The following SNTG1 variants were observed in gnomAD, a reference collection of about 807,000 sequenced individuals.
SNTG1 encodes syntrophin gamma 1.
A neutral mutation model predicts 74.7 loss-of-function variants in SNTG1; 39 were observed. The observed-to-expected ratio is 0.52, with a 90% CI of 0.40 to 0.68. The LOEUF (loss-of-function observed/expected upper bound fraction) is 0.68. Ranked by LOEUF, SNTG1 falls within the 30% of genes least tolerant of loss-of-function variation. The pLI, the probability that SNTG1 is intolerant of heterozygous loss-of-function variation, is 0.00. For synonymous variants in SNTG1, 254 were observed against 217.1 expected (o/e 1.17, Z -1.49); for missense variants, 685 against 609.5 (o/e 1.12, Z -1.30).
At chr8:50,180,659 A>C (rs1291696873) in intron 2 of SNTG1, among the ~76,000 whole-genome samples, 1 of 149,582 alleles carries the variant, frequency 6.7e-6, no homozygotes, top group East Asian at 2.0e-4. Context: ...CATTTTTTTT[A>C]GGTGGCCCAT....
intron 6 of SNTG1, 135 bp downstream of exon 6, chr8:50,449,860 T>G (rs1172043920): frequency 1.4e-6 from 1 of 709,592 alleles, no homozygotes; most frequent in Non-Finnish European, 2.2e-6. Flanking sequence ...CATTAGTGGC[T>G]GAGTCTGCTT....
intron 1 of SNTG1, among the ~76,000 whole-genome samples, chr8:50,141,339 C>G (rs1350699734): frequency 6.6e-6 from 1 of 152,112 alleles, no homozygotes; most frequent in Non-Finnish European, 1.5e-5. Context: ...CTTGCCAACC[C>G]TTAGTCTGCA....
chr8:50,644,287 G>A (rs1324400360), intron 13 of SNTG1: 3 of 152,146 alleles, frequency 2.0e-5, no homozygotes, highest in African/African-American at 7.2e-5. Flanking sequence ...AACAACACAG[G>A]TTTGGACATC....
At chr8:50,512,948 G>T (rs921072467) in intron 9 of SNTG1, among the ~76,000 whole-genome samples, 5 of 152,078 alleles carry the variant, frequency 3.3e-5, no homozygotes, top group African/African-American at 1.2e-4. Flanking sequence ...GCTTTGTTCT[G>T]TTGCTTGTAA....
intron 15 of SNTG1, among the ~76,000 whole-genome samples, chr8:50,667,935 C>A (rs1045497160): frequency 6.6e-6 from 1 of 151,952 alleles, no homozygotes; most frequent in African/African-American, 2.4e-5. Context: ...GATAATAGAA[C>A]TTTAATTCCC....
intron 2 of SNTG1, among the ~76,000 whole-genome samples, chr8:50,276,319 T>A (rs2088100436): frequency 6.6e-6 from 1 of 151,424 alleles, no homozygotes; most frequent in East Asian, 1.9e-4. Context: ...TTATTCTAAA[T>A]TCGTCATCAG....
intron 1 of SNTG1, among the ~76,000 whole-genome samples, chr8:49,932,049 A>T (rs1563362859): frequency 6.6e-6 from 1 of 152,182 alleles, no homozygotes; most frequent in Admixed American, 6.6e-5. Flanking sequence ...AAAGGAAAAA[A>T]GTTATACAAT....
At position 50,333,707 on chromosome 8, in the gene SNTG1, A is replaced by T. The variant is rs530204571; in HGVS notation, c.-27-60505A>T. The stretch of plus-strand genomic sequence containing the variant: ...AATGGCGTTATCAGAGAAATACAGA[A>T]CCAAAATCTTTATGAGGCCAACGTT... On this transcript the variant is annotated intron_variant, in intron 2 of 18. Coordinates refer to ENST00000642720, the MANE Select transcript of SNTG1 (RefSeq NM_018967.5). Among the ~76,000 whole-genome samples, 3 of 152,326 alleles carry T rather than the reference A, an allele frequency of 2.0e-5. No individual in the cohort carries two copies. The South Asian group carries it at 6.2e-4, about 32-fold the overall frequency.
intron 1 of SNTG1, among the ~76,000 whole-genome samples, chr8:50,133,337 G>A (rs958714350): frequency 6.6e-6 from 1 of 152,044 alleles, no homozygotes; most frequent in Non-Finnish European, 1.5e-5. Context: ...TCTAACATCA[G>A]TCTTGTCAAG....
chr8:49,931,772 TACA>T (rs1303527748), intron 1 of SNTG1, among the ~76,000 whole-genome samples: 2 of 152,130 alleles, frequency 1.3e-5, no homozygotes, highest in East Asian at 3.8e-4. Context: ...ACTGAGTGAA[TACA>T]ACAAGATACA....
rs552203357 is a variant in SNTG1, at chr8:50,145,068, C to T, written c.-102-27493C>T. On this transcript the variant is annotated intron_variant, in intron 1 of 18. Coordinates refer to ENST00000642720, the MANE Select transcript of SNTG1 (RefSeq NM_018967.5). ...CACCAGTCACATGTGGTGCCCTCCA[C>T]GCCGAGAGGACTCAGTGCTTCAGGA... 3.9e-5 allele frequency among the ~76,000 whole-genome samples: 6 copies of T among 152,184 alleles called. No individual in the cohort carries two copies. In the East Asian group the frequency reaches 5.8e-4, roughly 15 times the overall value.
At chr8:49,918,954 A>G (rs1177819329) in intron 1 of SNTG1, among the ~76,000 whole-genome samples, 6 of 152,202 alleles carry the variant, frequency 3.9e-5, no homozygotes, top group Non-Finnish European at 8.8e-5. Flanking sequence ...GTAGCAGATT[A>G]TAGCAGGTAT....
chr8:50,480,129 G>A (rs2131810619), intron 8 of SNTG1, among the ~76,000 whole-genome samples: 1 of 152,180 alleles, frequency 6.6e-6, no homozygotes, highest in Middle Eastern at 3.4e-3. Context: ...TAAATCATCA[G>A]TTTTAACATC....
chr8:50,040,749 A>G (rs1010159388), intron 1 of SNTG1, among the ~76,000 whole-genome samples: 3 of 152,220 alleles, frequency 2.0e-5, no homozygotes, highest in Non-Finnish European at 2.9e-5. Context: ...AATCTATGAG[A>G]ATTTTAGGAG....
chr8:50,700,580 T>C (rs2095420060), intron 15 of SNTG1, among the ~76,000 whole-genome samples: 1 of 152,182 alleles, frequency 6.6e-6, no homozygotes. Context: ...ATGAATTTCT[T>C]AGCAGGATCA....
At chr8:50,618,995 G>A (rs1301555974) in intron 13 of SNTG1, among the ~76,000 whole-genome samples, 1 of 151,874 alleles carries the variant, frequency 6.6e-6, no homozygotes, top group Non-Finnish European at 1.5e-5. Flanking sequence ...CTATAAACAT[G>A]CATTTTCCCT....
chr8:50,329,856 T>G lies in SNTG1; in HGVS notation c.-27-64356T>G, dbSNP rs141873978. ...TCGTCAGGTTGCAAATTTTCCAAAC[T>G]TTTATGCTCTGCTTCCTTTTTAAAC... is the stretch of plus-strand genomic sequence containing the variant. On this transcript the variant is annotated intron_variant, in intron 2 of 18. Transcript: ENST00000642720. 3.2e-3 allele frequency among the ~76,000 whole-genome samples: 486 copies of G among 152,312 alleles called. 2 individuals are homozygous for G. Among genetic ancestry groups the G allele is most frequent in the African/African-American group, 0.011 (471 of 41,568 alleles).
intron 15 of SNTG1, among the ~76,000 whole-genome samples, chr8:50,685,375 A>G (rs1268644159): frequency 6.6e-6 from 1 of 152,174 alleles, no homozygotes; most frequent in East Asian, 1.9e-4. Context: ...TCTACCTTAT[A>G]TAAGCCCCTT....
chr8:50,597,043 A>G (rs927093075), intron 13 of SNTG1, among the ~76,000 whole-genome samples: 1 of 151,826 alleles, frequency 6.6e-6, no homozygotes, highest in Non-Finnish European at 1.5e-5. Context: ...TTGTACCCAC[A>G]GGCGAACCTC....
Sources: gnomAD v4.1 joint callset for allele counts (sites outside exome capture counted in the v4.1 genomes callset) on GRCh38, gnomAD v4.1.1 for gene constraint, MANE v1.5 for transcripts, NCBI Gene and HGNC (gene_info 2026-07-23, HGNC 2026-07-21) for gene names.